Variants in MED27 observed in about 807,000 individuals in gnomAD.
The protein encoded by MED27 is mediator of RNA polymerase II transcription subunit 27.
In MED27, 30 loss-of-function variants were observed where a neutral mutation model predicts 38.2. The ratio of observed to expected loss-of-function variants is 0.79; its 90% CI spans 0.59 to 1.07. The LOEUF is 1.07. Ranked by LOEUF, MED27 falls within the 50% of genes least tolerant of loss-of-function variation. MED27 has a pLI of 0.00. For synonymous variants in MED27, 122 were observed against 153.5 expected (o/e 0.79, Z 1.52); for missense variants, 289 against 397.5 (o/e 0.73, Z 2.32).
chr9:131,952,173 C>T (rs78638759), intron 3 of MED27, among the ~76,000 whole-genome samples: 4,519 of 152,334 alleles, frequency 0.03, 219 homozygotes, highest in African/African-American at 0.097. Flanking sequence ...CTGACCAATA[C>T]TAGGCACTGG....
chr9:132,055,373 G>C (rs1833553530), intron 2 of MED27, among the ~76,000 whole-genome samples: 1 of 152,174 alleles, frequency 6.6e-6, no homozygotes, highest in African/African-American at 2.4e-5. Context: ...CAACTCTGCA[G>C]GCCTAAGCCC....
chr9:132,003,757 T>C lies in MED27; in HGVS notation c.479+10580A>G, dbSNP rs1472156151. ...TTCACACCCCACCACCCAGTACTTT[T>C]GGGAAGGGGGGATTGGAGTATTTTA... On this transcript the variant is annotated intron_variant, in intron 3 of 7. Coordinates refer to ENST00000292035, the MANE Select transcript of MED27 (RefSeq NM_004269.4). The surrounding 1 kb of genome is among the most constrained non-coding windows in gnomAD (Gnocchi z 4.2). 6.6e-6 allele frequency among the ~76,000 whole-genome samples: 1 copy of C among 152,170 alleles called. No individual in the cohort carries two copies. The highest frequency in any genetic ancestry group is 2.4e-5 in the African/African-American group (1 of 41,436).
chr9:131,987,236 T>G (rs1009946334), intron 3 of MED27, among the ~76,000 whole-genome samples: 3 of 152,112 alleles, frequency 2.0e-5, no homozygotes, highest in Non-Finnish European at 4.4e-5. Flanking sequence ...CATCTTTTAC[T>G]AGTTTTAACT....
chr9:131,875,116 G>A (rs887194979), intron 6 of MED27, among the ~76,000 whole-genome samples: 2 of 152,098 alleles, frequency 1.3e-5, no homozygotes, highest in East Asian at 3.9e-4. Flanking sequence ...TCTCAATCTC[G>A]GGTGCCTTCT....
intron 2 of MED27, among the ~76,000 whole-genome samples, chr9:132,020,522 GC>G (rs1832695093): frequency 6.6e-6 from 1 of 152,184 alleles, no homozygotes; most frequent in African/African-American, 2.4e-5. Flanking sequence ...AGACCATTAA[GC>G]TTTCAACTAG....
chr9:132,005,716 A>G (rs1419287980), intron 3 of MED27, among the ~76,000 whole-genome samples: 1 of 152,204 alleles, frequency 6.6e-6, no homozygotes, highest in Non-Finnish European at 1.5e-5. Context: ...CACTCGGGAC[A>G]TGGAATTGAT....
intron 4 of MED27, among the ~76,000 whole-genome samples, chr9:131,905,734 A>AAAAAAAAAAAAAAAAAAAAAAC (rs751226482): frequency 2.8e-4 from 8 of 28,156 alleles, no homozygotes; most frequent in Non-Finnish European, 3.2e-4. Flanking sequence ...AAAACAGAAA[A>AAAAAAAAAAAAAAAAAAAAAAC]AGAAAAAGAA....
chr9:131,968,246 G>A (rs1299780396), intron 3 of MED27, among the ~76,000 whole-genome samples: 3 of 152,116 alleles, frequency 2.0e-5, no homozygotes, highest in Non-Finnish European at 4.4e-5. Flanking sequence ...GCCAAGGTAG[G>A]AGGGATTGCT....
intron 3 of MED27, among the ~76,000 whole-genome samples, chr9:131,968,578 G>A (rs1013043820): frequency 2.6e-5 from 4 of 152,150 alleles, no homozygotes; most frequent in Admixed American, 6.5e-5. Flanking sequence ...ATAGGCCCAA[G>A]GTTGCATCAT....
rs932670007 is a variant in MED27, at chr9:131,889,477, C to T, written c.681+4408G>A. On this transcript the variant is annotated intron_variant, in intron 5 of 7. Coordinates refer to ENST00000292035, the MANE Select transcript of MED27 (RefSeq NM_004269.4). The surrounding 1 kb of genome is among the most constrained non-coding windows in gnomAD (Gnocchi z 4.2). Reference sequence around the variant, plus strand: ...AATCCTGCCTTTTAACATGCTGAGTCGTGGCTCTTGCTACTCCCTGAGTAC... The same window carrying T: ...AATCCTGCCTTTTAACATGCTGAGTTGTGGCTCTTGCTACTCCCTGAGTAC... Among the ~76,000 whole-genome samples, 1 of 152,118 alleles carries T rather than the reference C, an allele frequency of 6.6e-6. No individual in the cohort carries two copies. Among genetic ancestry groups the T allele is most frequent in the Non-Finnish European group, 1.5e-5 (1 of 68,010 alleles).
intron 3 of MED27, among the ~76,000 whole-genome samples, chr9:132,005,115 G>C (rs1220460209): frequency 6.6e-6 from 1 of 152,086 alleles, no homozygotes; most frequent in Non-Finnish European, 1.5e-5. Context: ...CCAATAACAG[G>C]AGTACATAAA....
chr9:131,957,943 G>A (rs553764185), intron 3 of MED27, among the ~76,000 whole-genome samples: 1 of 151,602 alleles, frequency 6.6e-6, no homozygotes, highest in Non-Finnish European at 1.5e-5. Flanking sequence ...TTAATCTAGA[G>A]TGACAGAGAG....
chr9:132,052,636 T>C (rs1433438257), intron 2 of MED27, among the ~76,000 whole-genome samples: 5 of 152,118 alleles, frequency 3.3e-5, no homozygotes, highest in Non-Finnish European at 7.4e-5. Context: ...ATCGTCGCTG[T>C]TAGGCAATTT....
intron 3 of MED27, among the ~76,000 whole-genome samples, chr9:131,994,381 C>T (rs1293611580): frequency 6.6e-6 from 1 of 152,318 alleles, no homozygotes; most frequent in East Asian, 1.9e-4. Flanking sequence ...GCCTCCCCCA[C>T]CCCCAATACT....
At chr9:132,046,551 C>T (rs4287058) in intron 2 of MED27, among the ~76,000 whole-genome samples, 151,272 of 152,316 alleles carry the variant, frequency 0.99, 75,124 homozygotes, top group Middle Eastern at 1. Context: ...AGCAGTTATT[C>T]GAGGACTATG....
At chr9:131,976,539 A>G (rs1831612437) in intron 3 of MED27, among the ~76,000 whole-genome samples, 1 of 152,248 alleles carries the variant, frequency 6.6e-6, no homozygotes, top group Admixed American at 6.5e-5. Flanking sequence ...AAATGTGAAG[A>G]GCAAATGTTA....
At chr9:132,064,470 C>T (rs758693685) in intron 2 of MED27, among the ~76,000 whole-genome samples, 21 of 152,192 alleles carry the variant, frequency 1.4e-4, no homozygotes, top group Non-Finnish European at 2.5e-4. Flanking sequence ...AACTGAGTCA[C>T]GTCTGAGGTC....
intron 4 of MED27, among the ~76,000 whole-genome samples, chr9:131,937,946 T>C (rs1195669701): frequency 2.0e-5 from 3 of 152,134 alleles, no homozygotes; most frequent in Non-Finnish European, 4.4e-5. Flanking sequence ...TGTAGACAGA[T>C]GTATTTTATA....
intron 4 of MED27, among the ~76,000 whole-genome samples, chr9:131,933,321 T>A (rs1034178424): frequency 6.6e-6 from 1 of 152,068 alleles, no homozygotes; most frequent in Non-Finnish European, 1.5e-5. Context: ...GGTCAAATTA[T>A]CCTTGTTAGC....
Sources: gnomAD v4.1 joint callset for allele counts (sites outside exome capture counted in the v4.1 genomes callset) on GRCh38, gnomAD v4.1.1 for gene constraint, Gnocchi (gnomAD v3.1) non-coding constraint, MANE v1.5 for transcripts, NCBI Gene and HGNC (gene_info 2026-07-23, HGNC 2026-07-21) for gene names.